Variants in HYLS1 observed in about 807,000 individuals in gnomAD.
HYLS1 encodes the protein centriolar and ciliogenesis-associated protein HYLS1.
A neutral mutation model predicts 29.4 loss-of-function variants in HYLS1; 25 were observed. The ratio of observed to expected loss-of-function variants is 0.85; its 90% CI spans 0.62 to 1.19. The LOEUF (loss-of-function observed/expected upper bound fraction) is 1.19. HYLS1 is among the 50% of genes most tolerant of loss of function. The pLI, the probability that HYLS1 is intolerant of heterozygous loss-of-function variation, is 0.00. For synonymous variants in HYLS1, 128 were observed against 126.7 expected, an observed-to-expected ratio of 1.01 and a Z score of -0.07; for missense variants, 352 against 365.1, an observed-to-expected ratio of 0.96 and a Z score of 0.29.
rs763478603 is a variant in HYLS1, at chr11:125,895,509, T to C, written c.-25-3835T>C. 5.0e-6 allele frequency: 8 copies of C among 1,614,180 alleles called. No individual in the cohort carries two copies. The highest frequency in any genetic ancestry group is 4.5e-5 in the East Asian group (2 of 44,882). The stretch of plus-strand genomic sequence containing the variant: ...CATTTTACACAAGTTCCTGAAATCA[T>C]GGGTGCCAACATACTTCTGAGCTGC... On this transcript the variant is annotated intron_variant, in intron 2 of 2. Coordinates refer to ENST00000425380, the MANE Select transcript of HYLS1 (RefSeq NM_001134793.2).
chr11:125,885,443 T>C (rs1051810347), upstream of HYLS1, among the ~76,000 whole-genome samples: 3 of 151,406 alleles, frequency 2.0e-5, no homozygotes, highest in African/African-American at 7.3e-5. Flanking sequence ...AGAGAGAGAC[T>C]CTGTCTCAAA....
chr11:125,892,870 T>G (rs1944451586), intron 2 of HYLS1, among the ~76,000 whole-genome samples: 1 of 152,242 alleles, frequency 6.6e-6, no homozygotes. Context: ...GTCTTTGCTC[T>G]ACAAATGTGA....
intron 2 of HYLS1, chr11:125,896,142 G>C (rs780995458): frequency 1.2e-6 from 2 of 1,614,168 alleles, no homozygotes; most frequent in Non-Finnish European, 1.7e-6. Context: ...AGTTTTTCCA[G>C]CTCCTGCTGA....
At chr11:125,886,640 A>G (rs1944309708), upstream of HYLS1, among the ~76,000 whole-genome samples, 1 of 144,482 alleles carries the variant, frequency 6.9e-6, no homozygotes, top group African/African-American at 2.6e-5. Flanking sequence ...CATCGGGTTT[A>G]AAAAAAAAAT....
At chr11:125,891,798 A>G (rs530606267) in intron 2 of HYLS1, among the ~76,000 whole-genome samples, 1 of 152,144 alleles carries the variant, frequency 6.6e-6, no homozygotes, top group South Asian at 2.1e-4. Context: ...CAGCTATTAT[A>G]ATGTACTTTT....
chr11:125,899,297 A>C, intron 2 of HYLS1, 47 bp from the exon 3 acceptor site: 1 of 1,383,422 alleles, frequency 7.2e-7, no homozygotes, highest in Non-Finnish European at 1.0e-6. Flanking sequence ...GCAATTTATG[A>C]GCTGGGAATT....
At chr11:125,899,304 A>T in intron 2 of HYLS1, 40 bp from the exon 3 acceptor site, 3 of 1,450,332 alleles carry the variant, frequency 2.1e-6, no homozygotes, top group Non-Finnish European at 2.9e-6. Flanking sequence ...ATGAGCTGGG[A>T]ATTTATTATC....
upstream of HYLS1, among the ~76,000 whole-genome samples, chr11:125,884,592 G>T (rs1480755961): frequency 6.6e-6 from 1 of 152,244 alleles, no homozygotes. Context: ...CTGGGTGAAA[G>T]AGTGAGACTC....
upstream of HYLS1, chr11:125,887,559 C>T (rs372244630): frequency 5.2e-5 from 8 of 152,424 alleles, no homozygotes; most frequent in East Asian, 1.2e-3. Context: ...GACGTTTACC[C>T]TCAGGACCAA....
chr11:125,889,653 C>A (rs984893024), intron 1 of HYLS1, among the ~76,000 whole-genome samples: 17 of 151,938 alleles, frequency 1.1e-4, no homozygotes, highest in African/African-American at 4.1e-4. Flanking sequence ...AGGAGAATCG[C>A]TTGAACCTGA....
At chr11:125,886,400 G>A (rs1179987140), upstream of HYLS1, among the ~76,000 whole-genome samples, 1 of 152,108 alleles carries the variant, frequency 6.6e-6, no homozygotes, top group Non-Finnish European at 1.5e-5. Flanking sequence ...TTTAAGAAAT[G>A]GTGTAAGATG....
intron 1 of HYLS1, 72 bp from the exon 2 acceptor site, chr11:125,891,351 T>C (rs754173795): frequency 2.0e-5 from 3 of 152,050 alleles, no homozygotes; most frequent in South Asian, 2.1e-4. Context: ...CAATGACTTA[T>C]GGTTAGTGCA....
At chr11:125,896,009 T>A in intron 2 of HYLS1, 2 of 1,614,150 alleles carry the variant, frequency 1.2e-6, no homozygotes, top group Non-Finnish European at 1.7e-6. Flanking sequence ...CTTCAAACAG[T>A]TTCTCTTCAA....
intron 2 of HYLS1, chr11:125,895,947 C>T (rs1440895074): frequency 6.8e-6 from 11 of 1,613,856 alleles, no homozygotes; most frequent in African/African-American, 4.0e-5. Flanking sequence ...TCTCCCACAT[C>T]GGTGATAGTT....
chr11:125,896,224 G>T, intron 2 of HYLS1: 2 of 1,614,028 alleles, frequency 1.2e-6, no homozygotes, highest in South Asian at 2.2e-5. Flanking sequence ...TCTTGCTCCA[G>T]TTCTCGTACT....
At chr11:125,894,484 A>G (rs747766320) in intron 2 of HYLS1, among the ~76,000 whole-genome samples, 1 of 152,228 alleles carries the variant, frequency 6.6e-6, no homozygotes, top group Non-Finnish European at 1.5e-5. Context: ...GCAACAAATC[A>G]TAGATCAACC....
At chr11:125,895,785 A>G (rs146163749) in intron 2 of HYLS1, 2 of 1,597,024 alleles carry the variant, frequency 1.3e-6, no homozygotes, top group South Asian at 2.3e-5. Context: ...GTCAAGTGAG[A>G]TCACCTGTGG....
intron 2 of HYLS1, among the ~76,000 whole-genome samples, chr11:125,898,114 G>A (rs1944643138): frequency 6.6e-6 from 1 of 152,132 alleles, no homozygotes; most frequent in Admixed American, 6.5e-5. Flanking sequence ...AAATGTACAT[G>A]TGAATATGGA....
rs1944730559 is a variant in HYLS1, at chr11:125,900,283, C to T, written c.*15C>T. The T allele has an allele frequency of 6.2e-7, 1 of 1,612,396 alleles. No homozygotes were observed. Among genetic ancestry groups the T allele is most frequent in the Admixed American group, 1.7e-5 (1 of 59,996 alleles). On this transcript the variant is annotated 3_prime_UTR_variant, in exon 3 of 3. Coordinates refer to ENST00000425380, the MANE Select transcript of HYLS1 (RefSeq NM_001134793.2). Reference sequence around the variant, plus strand: ...CTCCTTCTTAAATCTTTTTAAACTTCTTTCACAGGATTGTTTGAGATAACC... The same window carrying T: ...CTCCTTCTTAAATCTTTTTAAACTTTTTTCACAGGATTGTTTGAGATAACC...
Sources: gnomAD v4.1 joint callset for allele counts (sites outside exome capture counted in the v4.1 genomes callset) on GRCh38, gnomAD v4.1.1 for gene constraint, MANE v1.5 for transcripts, NCBI Gene and HGNC (gene_info 2026-07-23, HGNC 2026-07-21) for gene names.